SPATA32: variants seen among roughly 807,000 people sequenced by gnomAD.
The protein encoded by SPATA32 is spermatogenesis-associated protein 32.
SPATA32 carries 28 observed loss-of-function variants against 35.4 expected under a neutral mutation model. The observed-to-expected ratio is 0.79, with a 90% CI of 0.59 to 1.09. The LOEUF is 1.09. Ranked by LOEUF, SPATA32 falls within the 50% of genes least tolerant of loss-of-function variation. SPATA32 has a pLI of 0.00. For missense variants in SPATA32, 409 were observed against 475.9 expected, an observed-to-expected ratio of 0.86 and a Z score of 1.31; for synonymous variants, 168 against 196.3, an observed-to-expected ratio of 0.86 and a Z score of 1.20.
At chr17:45,257,650 C>T (rs1056969182) in intron 1 of SPATA32, among the ~76,000 whole-genome samples, 1 of 152,144 alleles carries the variant, frequency 6.6e-6, no homozygotes, top group South Asian at 2.1e-4. Flanking sequence ...CTGCCCCCAC[C>T]GGCTACTCCC....
rs1175628424 is a variant in SPATA32 at position 45,256,145 on chromosome 17, G to A, written c.109-72C>T. ...TGCCCCTGAGGCCCTCCCTGGCACC[G>A]AGTCCCTGCCCCACCCCTGCCCTGG... On this transcript the variant is annotated intron_variant, in intron 3 of 4. Transcript: ENST00000331780. The surrounding 1 kb of genome is among the most constrained non-coding windows in gnomAD (Gnocchi z 4.7). 1.6e-5 allele frequency: 24 copies of A among 1,503,522 alleles called. No individual in the cohort carries two copies. The African/African-American group carries it at 2.4e-4, about 15-fold the overall frequency. The allele number at this position is 1,503,522 out of a possible 1,614,324, so 93.1% of individuals were successfully genotyped here.
At chr17:45,261,961 C>A (rs1024777164) in intron 1 of SPATA32, 43 bp downstream of exon 1, 2 of 1,310,796 alleles carry the variant, frequency 1.5e-6, no homozygotes, top group African/African-American at 3.0e-5. Context: ...TCGCTTTCCC[C>A]GCCTGCCCCA....
chr17:45,259,924 T>C (rs2143734275), intron 1 of SPATA32: 1 of 152,316 alleles, frequency 6.6e-6, no homozygotes, highest in Non-Finnish European at 1.5e-5. Flanking sequence ...TGATTGGCTT[T>C]TTTTCAGAAT....
Position 45,256,008 on chromosome 17 carries a change from T to C in SPATA32, c.174A>G (p.Pro58=). The C allele has an allele frequency of 6.2e-7, 1 of 1,613,934 alleles. No homozygotes were observed. The highest frequency in any genetic ancestry group is 8.5e-7 in the Non-Finnish European group (1 of 1,179,968). Residue 58 remains proline, a synonymous_variant, in exon 4 of 5, where the codon CCA becomes CCG. Transcript: ENST00000331780. This position sits in a 1 kb window ranked among gnomAD's most constrained non-coding sequence, Gnocchi z 4.7. ...LQVDLDLDPD[P]DPDPELEIGQ... ...CGATCTCCAGTTCTGGGTCTGGGTC[T>C]GGGTCTGGGTCCAGGTCCAGGTCCA...
intron 1 of SPATA32, chr17:45,261,790 T>A (rs891859931): frequency 3.0e-5 from 13 of 432,188 alleles, no homozygotes; most frequent in Non-Finnish European, 3.5e-5. Context: ...CACATGGGTG[T>A]GCACCGCGCA....
At chr17:45,261,835 G>C (rs1205600593) in intron 1 of SPATA32, 169 bp downstream of exon 1, 21 of 655,888 alleles carry the variant, frequency 3.2e-5, no homozygotes, top group Admixed American at 8.7e-5. Flanking sequence ...CAGGGGCACC[G>C]GGTGGGCTTT....
At chr17:45,257,858 C>G (rs2043972560) in intron 1 of SPATA32, among the ~76,000 whole-genome samples, 1 of 152,230 alleles carries the variant, frequency 6.6e-6, no homozygotes. Flanking sequence ...AGATCACCCT[C>G]TGCAGGGGAG....
rs2043960481 is a variant in SPATA32 at position 45,256,594 on chromosome 17, A to G, written c.69-179T>C. 6.6e-6 allele frequency among the ~76,000 whole-genome samples: 1 copy of G among 152,050 alleles called. No homozygotes were observed. The highest frequency in any genetic ancestry group is 1.5e-5 in the Non-Finnish European group (1 of 68,014). ...GCTGTCCCACTCCACTGCCACCAGG[A>G]AGTCTGCGGTTGTATTCTGAAACTT... On this transcript the variant is annotated intron_variant, in intron 2 of 4. Transcript: ENST00000331780. The surrounding 1 kb of genome is among the most constrained non-coding windows in gnomAD (Gnocchi z 4.7).
rs1418818707 is a variant in SPATA32, at chr17:45,257,213, A to G, written c.14-6T>C. ...GCATGGAAATCCATGGGCACCTGAC[A>G]GGGGAAAGGAGGTGAGGGCAGGGAG... On this transcript the variant is annotated splice_polypyrimidine_tract_variant and splice_region_variant and intron_variant, in intron 1 of 4. Transcript: ENST00000331780. The G allele has an allele frequency of 3.1e-6, 5 of 1,608,104 alleles. No individual in the cohort carries two copies. The highest frequency in any genetic ancestry group is 4.2e-6 in the Non-Finnish European group (5 of 1,177,314).
intron 2 of SPATA32, 133 bp downstream of exon 2, chr17:45,257,020 A>C: frequency 1.2e-5 from 11 of 934,896 alleles, no homozygotes; most frequent in Non-Finnish European, 1.8e-5. Flanking sequence ...TGGCCTGGAC[A>C]CTGGCCCCGG....
intron 1 of SPATA32, chr17:45,260,219 A>T (rs2043993247): frequency 6.6e-6 from 1 of 152,048 alleles, no homozygotes; most frequent in African/African-American, 2.4e-5. Flanking sequence ...TACAGGCGTG[A>T]GCCACCATGC....
chr17:45,257,511 C>T (rs1382086096), intron 1 of SPATA32, among the ~76,000 whole-genome samples: 3 of 149,754 alleles, frequency 2.0e-5, no homozygotes, highest in South Asian at 4.2e-4. Flanking sequence ...AGCCTGGTCA[C>T]TTTACCTGCT....
In SPATA32 at chr17:45,258,324, C is replaced by T. The variant is rs141745759; in HGVS notation, c.14-1117G>A. Reference sequence around the variant, plus strand: ...TTGACCACTATGCTTCCCTGGCTTCCTCACGTGTCTCTCTTCTCCCTCTCC... The same window carrying T: ...TTGACCACTATGCTTCCCTGGCTTCTTCACGTGTCTCTCTTCTCCCTCTCC... On this transcript the variant is annotated intron_variant, in intron 1 of 4. Coordinates refer to ENST00000331780, the MANE Select transcript of SPATA32 (RefSeq NM_152343.3). Among the ~76,000 whole-genome samples, 46 of 152,242 alleles carry T rather than the reference C, an allele frequency of 3.0e-4. No homozygotes were observed. In the East Asian group the frequency reaches 7.1e-3, roughly 24 times the overall value.
intron 2 of SPATA32, 101 bp downstream of exon 2, chr17:45,257,052 A>T: frequency 7.3e-7 from 1 of 1,367,706 alleles, no homozygotes. Context: ...AAATGGCAGA[A>T]GGGAGGGAGA....
At chr17:45,254,877 C>A in intron 4 of SPATA32, 1 of 584,092 alleles carries the variant, frequency 1.7e-6, no homozygotes, top group Non-Finnish European at 3.0e-6. Flanking sequence ...GGCCCCTGTG[C>A]CCACCCTCCT....
intron 1 of SPATA32, among the ~76,000 whole-genome samples, chr17:45,257,739 G>C (rs907243474): frequency 1.3e-5 from 2 of 152,088 alleles, no homozygotes; most frequent in Non-Finnish European, 2.9e-5. Flanking sequence ...TCCTCTGCCG[G>C]CTTCCTCTCC....
chr17:45,259,886 T>C (rs2043989764), intron 1 of SPATA32: 1 of 152,178 alleles, frequency 6.6e-6, no homozygotes, highest in Non-Finnish European at 1.5e-5. Flanking sequence ...GGTTGTGATA[T>C]ATTACCCTTT....
At chr17:45,258,926 G>A (rs370949568) in intron 1 of SPATA32, among the ~76,000 whole-genome samples, 59 of 152,250 alleles carry the variant, frequency 3.9e-4, no homozygotes, top group South Asian at 2.1e-3. Context: ...ATGAGCCACC[G>A]TGCCTGGCCG....
intron 1 of SPATA32, among the ~76,000 whole-genome samples, chr17:45,257,807 T>G (rs551038867): frequency 2.0e-5 from 3 of 152,154 alleles, no homozygotes; most frequent in Non-Finnish European, 2.9e-5. Flanking sequence ...AGGTGTGTAA[T>G]CTGAGGTGGT....
Sources: gnomAD v4.1 joint callset for allele counts (sites outside exome capture counted in the v4.1 genomes callset) on GRCh38, gnomAD v4.1.1 for gene constraint, Gnocchi (gnomAD v3.1) non-coding constraint, MANE v1.5 for transcripts, NCBI Gene and HGNC (gene_info 2026-07-23, HGNC 2026-07-21) for gene names.